Variants in PTPRB observed in about 807,000 individuals in gnomAD.
PTPRB encodes protein tyrosine phosphatase receptor type B.
In PTPRB, 97 loss-of-function variants were observed where a neutral mutation model predicts 238.1. That is an observed-to-expected ratio of 0.41 (90% CI 0.35 to 0.48). The LOEUF (loss-of-function observed/expected upper bound fraction) is 0.48, where lower values mean the gene tolerates loss of function less well. Ranked by LOEUF, PTPRB falls within the 20% of genes least tolerant of loss-of-function variation. PTPRB has a pLI of 0.30. For missense variants in PTPRB, 2,292 were observed against 2,681.9 expected, an observed-to-expected ratio of 0.85 and a Z score of 3.21; for synonymous variants, 970 against 995.4, an observed-to-expected ratio of 0.97 and a Z score of 0.48.
chr12:70,592,600 A>T lies in PTPRB; in HGVS notation c.1517-55T>A, dbSNP rs1000430203. 3.9e-6 allele frequency: 6 copies of T among 1,551,130 alleles called. No individual in the cohort carries two copies. In the African/African-American group the frequency reaches 8.2e-5, roughly 21 times the overall value. On this transcript the variant is annotated intron_variant, in intron 6 of 33. Transcript: ENST00000334414. The stretch of plus-strand genomic sequence containing the variant: ...TTACTCAGGATCTCTCACAAGTCCT[A>T]TGGCCAAATTTTGACCTGTAATTTT...
chr12:70,629,773 G>A lies in PTPRB; in HGVS notation c.451+5898C>T, dbSNP rs187914462. Among the ~76,000 whole-genome samples the A allele has an allele frequency of 4.0e-3, 603 of 152,080 alleles. 17 individuals carry two copies. Among genetic ancestry groups the A allele is most frequent in the East Asian group, 9.7e-4 (5 of 5,172 alleles). On this transcript the variant is annotated intron_variant, in intron 2 of 33. Transcript: ENST00000334414. ...AAAATGATAAAGGGATATCACCACC[G>A]ATCCCACAGAAATACAAACTACCAT...
At chr12:70,529,367 A>G (rs1872840586) in intron 32 of PTPRB, among the ~76,000 whole-genome samples, 1 of 152,162 alleles carries the variant, frequency 6.6e-6, no homozygotes, top group African/African-American at 2.4e-5. Context: ...TCCTTTGACA[A>G]TTACTAGAGC....
In PTPRB at chr12:70,517,351, T is replaced by C. The variant is rs1449717624; in HGVS notation, c.*4138A>G. 6.6e-6 allele frequency: 1 copy of C among 152,214 alleles called. No individual in the cohort carries two copies. Among genetic ancestry groups the C allele is most frequent in the East Asian group, 1.9e-4 (1 of 5,200 alleles). 9.4% of individuals were successfully genotyped at this position (152,214 alleles called of 1,614,324 possible). A position where few individuals can be genotyped will look rare whatever the true frequency, so the allele number is the denominator to read the frequency against. Reference sequence around the variant, plus strand: ...ATGCCATTTTATCTTCATGATGATGTCTGGTTAGATTCTGTTTTGCAAATA... The same window carrying C: ...ATGCCATTTTATCTTCATGATGATGCCTGGTTAGATTCTGTTTTGCAAATA... On this transcript the variant is annotated 3_prime_UTR_variant, in exon 34 of 34. Coordinates refer to ENST00000334414, the MANE Select transcript of PTPRB (RefSeq NM_001109754.4).
Position 70,619,304 on chromosome 12 carries a change from GATGATGATGATA to G in PTPRB, c.708+3074_708+3085del, listed in dbSNP as rs1884817663. The stretch of plus-strand genomic sequence containing the variant: ...GATAGTGGGTGGTGGTGGTGATGAT[GATGATGATGATA>G]ATGATAATGATAATGATAATGATGA... On this transcript the variant is annotated intron_variant, in intron 3 of 33. Transcript: ENST00000334414. Among the ~76,000 whole-genome samples the G allele has an allele frequency of 6.5e-5, 5 of 76,512 alleles. No individual in the cohort carries two copies. In the South Asian group the frequency reaches 2.4e-3, roughly 36 times the overall value. The allele number at this position is 76,512 out of a possible 152,430, so 50.2% of individuals were successfully genotyped here. A position where few individuals can be genotyped will look rare whatever the true frequency, so the allele number is the denominator to read the frequency against.
intron 26 of PTPRB, 59 bp from the exon 27 acceptor site, chr12:70,539,073 TAC>T: frequency 7.7e-7 from 1 of 1,303,246 alleles, no homozygotes; most frequent in Non-Finnish European, 1.1e-6. Context: ...AAGCAAATCA[TAC>T]AGTCCTGGAG....
Position 70,603,155 on chromosome 12 carries a change from T to C in PTPRB, c.979+5914A>G, listed in dbSNP as rs115600021. Among the ~76,000 whole-genome samples, 1,165 of 152,272 alleles carry C rather than the reference T, an allele frequency of 7.7e-3. 8 individuals are homozygous for C. Among genetic ancestry groups the C allele is most frequent in the African/African-American group, 0.026 (1,090 of 41,550 alleles). ...AGTCAGACTAATAGAGAAATATTTC[T>C]AGGCACATAAAGGAAGACCAATTTC... On this transcript the variant is annotated intron_variant, in intron 4 of 33. Coordinates refer to ENST00000334414, the MANE Select transcript of PTPRB (RefSeq NM_001109754.4).
At chr12:70,538,836 A>ATAT (rs1241878334) in intron 27 of PTPRB, 88 bp downstream of exon 27, 1 of 1,048,526 alleles carries the variant, frequency 9.5e-7, no homozygotes, top group Non-Finnish European at 1.4e-6. Flanking sequence ...GAGCTATATT[A>ATAT]TATTTCTTTA....
chr12:70,591,915 G>T (rs898726068), intron 7 of PTPRB: 4 of 258,792 alleles, frequency 1.5e-5, no homozygotes, highest in African/African-American at 9.0e-5. Flanking sequence ...GCACTGGATA[G>T]ATAAGTGAGG....
At chr12:70,625,335 G>C (rs1380647517) in intron 2 of PTPRB, among the ~76,000 whole-genome samples, 6 of 152,142 alleles carry the variant, frequency 3.9e-5, no homozygotes, top group Admixed American at 2.6e-4. Context: ...CCTGCTCCTG[G>C]AAACTGCGAT....
Position 70,536,202 on chromosome 12 carries a change from T to G in PTPRB, c.5947-43A>C, listed in dbSNP as rs751756281. The G allele has an allele frequency of 1.5e-5, 23 of 1,584,058 alleles. No homozygotes were observed. The Admixed American group carries it at 3.9e-4, about 27-fold the overall frequency. On this transcript the variant is annotated intron_variant, in intron 28 of 33. Coordinates refer to ENST00000334414, the MANE Select transcript of PTPRB (RefSeq NM_001109754.4). ...TATGGAGAGTCAGAAACAATGGGCC[T>G]CTTCAGAACTATAAACAAAGAGTTC...
At chr12:70,548,985 A>C (rs1412411846) in intron 21 of PTPRB, among the ~76,000 whole-genome samples, 2 of 152,032 alleles carry the variant, frequency 1.3e-5, no homozygotes, top group Admixed American at 1.3e-4. Context: ...CACAGAATTT[A>C]TTTTCCTTTA....
In PTPRB at chr12:70,566,685, T is replaced by A. The variant is rs1227586978; in HGVS notation, c.3654A>T (p.Gly1218=). The change falls in exon 15 of 34, where the codon GGA becomes GGT. Residue 1218 remains glycine, a synonymous_variant. Transcript: ENST00000334414. ...TGCTGTATGCATTGTCTGCAATTAC[T>A]CCTTGGACAGATGCTGGAACTGCAG... ...VGRTVPASVQ[G]VIADNAYSSY... 5 of 1,613,464 alleles carry A rather than the reference T, an allele frequency of 3.1e-6. No homozygotes were observed. The highest frequency in any genetic ancestry group is 2.2e-5 in the East Asian group (1 of 44,884).
At chr12:70,598,210 C>T (rs937266726) in intron 4 of PTPRB, among the ~76,000 whole-genome samples, 28 of 148,558 alleles carry the variant, frequency 1.9e-4, no homozygotes, top group African/African-American at 6.8e-4. Flanking sequence ...TGGGCAATTC[C>T]TTAACCTCCC....
intron 22 of PTPRB, among the ~76,000 whole-genome samples, chr12:70,543,716 A>C (rs1433543781): frequency 6.6e-6 from 1 of 152,138 alleles, no homozygotes; most frequent in Non-Finnish European, 1.5e-5. Flanking sequence ...GTTGGGAGGG[A>C]AGGTGATGAA....
intron 31 of PTPRB, among the ~76,000 whole-genome samples, chr12:70,533,855 C>G (rs559082956): frequency 1.0e-3 from 153 of 152,330 alleles, no homozygotes; most frequent in Middle Eastern, 3.4e-3. Flanking sequence ...AGACTAAGCT[C>G]TCAACAGACA....
intron 10 of PTPRB, among the ~76,000 whole-genome samples, chr12:70,579,420 C>T (rs993269971): frequency 6.6e-5 from 10 of 152,022 alleles, no homozygotes; most frequent in Admixed American, 1.3e-4. Context: ...GGTGACAGGC[C>T]GGGCGCAGTG....
chr12:70,576,528 T>A lies in PTPRB; in HGVS notation c.2696A>T (p.Asp899Val). Reference protein sequence around the residue: ...VDNYEVTLSHDGKVVQSLVIA... With the variant: ...VDNYEVTLSHVGKVVQSLVIA... ...GACAAGGGACTGAACCACCTTGCCG[T>A]CATGAGACAATGTTACCTCATAGTT... Residue 899 changes from aspartate (D) to valine (V), a missense_variant, in exon 11 of 34, where the codon GAC (aspartate) becomes GTC (valine). Physicochemically the swap from Asp to Val is radical, Grantham distance 152. Transcript: ENST00000334414. The A allele has an allele frequency of 6.4e-7, 1 of 1,564,298 alleles. No individual in the cohort carries two copies. The highest frequency in any genetic ancestry group is 8.7e-7 in the Non-Finnish European group (1 of 1,152,974).
intron 18 of PTPRB, among the ~76,000 whole-genome samples, chr12:70,557,314 T>A (rs1394685447): frequency 1.4e-5 from 2 of 144,936 alleles, no homozygotes; most frequent in African/African-American, 5.0e-5. Context: ...TTCTATTCTA[T>A]TTAAACTTCT....
At chr12:70,596,777 T>C (rs1321085360) in intron 4 of PTPRB, among the ~76,000 whole-genome samples, 3 of 152,244 alleles carry the variant, frequency 2.0e-5, no homozygotes, top group East Asian at 1.9e-4. Context: ...AGGTTGTAGA[T>C]TGTTGGTGTC....
Sources: gnomAD v4.1 joint callset for allele counts (sites outside exome capture counted in the v4.1 genomes callset) on GRCh38, gnomAD v4.1.1 for gene constraint, MANE v1.5 for transcripts, NCBI Gene and HGNC (gene_info 2026-07-23, HGNC 2026-07-21) for gene names.